Variants in ASPRV1 observed in about 807,000 individuals in gnomAD.
ASPRV1 encodes retroviral-like aspartic protease 1.
A neutral mutation model predicts 11.0 loss-of-function variants in ASPRV1; 7 were observed. That is an observed-to-expected ratio of 0.64 (90% confidence interval 0.36 to 1.20). ASPRV1 has a LOEUF of 1.20. Ranked by LOEUF, ASPRV1 falls within the 50% of genes most tolerant of loss-of-function variation. The pLI is 0.02. For synonymous variants in ASPRV1, 136 were observed against 138.4 expected, an observed-to-expected ratio of 0.98 and a Z score of 0.12; for missense variants, 299 against 320.0, an observed-to-expected ratio of 0.93 and a Z score of 0.50.
the ASPRV1 span, among the ~76,000 whole-genome samples, chr2:70,008,639 T>G: frequency 1.3e-3 from 198 of 148,502 alleles, 2 homozygotes; most frequent in East Asian, 8.9e-3. Flanking sequence ...TTTTGTGTGT[T>G]TTTTTTTTTT....
chr2:69,996,942 A>G, the ASPRV1 span: 1 of 307,964 alleles, frequency 3.2e-6, no homozygotes, highest in Admixed American at 4.6e-5. Context: ...ATGAGGGGAC[A>G]GTTTATTTTC....
chr2:70,004,817 T>G, the ASPRV1 span, among the ~76,000 whole-genome samples: 3 of 152,150 alleles, frequency 2.0e-5, no homozygotes, highest in Non-Finnish European at 4.4e-5. Context: ...TGAACCAGCC[T>G]TGGGCCTCAG....
At chr2:69,956,479 A>AAGAAG (rs1558579534), downstream of ASPRV1, among the ~76,000 whole-genome samples, 20 of 132,018 alleles carry the variant, frequency 1.5e-4, 2 homozygotes, top group East Asian at 8.7e-4. Flanking sequence ...AGAAGAAGAA[A>AAGAAG]AGAGGAAGAA....
the ASPRV1 span, chr2:69,975,307 G>T: frequency 6.6e-6 from 1 of 152,566 alleles, no homozygotes; most frequent in Non-Finnish European, 1.5e-5. Context: ...GGGGGATTCT[G>T]AATGGAGCCC....
the ASPRV1 span, among the ~76,000 whole-genome samples, chr2:70,064,588 C>T: frequency 1.3e-5 from 2 of 152,116 alleles, no homozygotes; most frequent in South Asian, 2.1e-4. Context: ...ATGAAGAGCA[C>T]ACGCAAAGGC....
chr2:69,988,641 C>A, the ASPRV1 span: 1 of 380,478 alleles, frequency 2.6e-6, no homozygotes. Context: ...TACTTAATGT[C>A]ACTGAATTGT....
chr2:70,064,393 G>A, the ASPRV1 span, among the ~76,000 whole-genome samples: 11 of 152,066 alleles, frequency 7.2e-5, no homozygotes, highest in Non-Finnish European at 1.6e-4. Context: ...TAAGCTTACA[G>A]TCTAGTGAAG....
chr2:70,057,922 T>C, the ASPRV1 span, among the ~76,000 whole-genome samples: 1 of 151,956 alleles, frequency 6.6e-6, no homozygotes, highest in Non-Finnish European at 1.5e-5. Context: ...GCCTCCCGAG[T>C]AGCTGGGACT....
the ASPRV1 span, among the ~76,000 whole-genome samples, chr2:70,085,349 G>A: frequency 6.6e-6 from 1 of 152,136 alleles, no homozygotes; most frequent in Non-Finnish European, 1.5e-5. Context: ...GCATAAGACA[G>A]CATTTCAGCC....
chr2:70,026,085 G>A, the ASPRV1 span, among the ~76,000 whole-genome samples: 1 of 152,196 alleles, frequency 6.6e-6, no homozygotes, highest in Non-Finnish European at 1.5e-5. Context: ...CACTTTGGGA[G>A]GCCAAGGTGG....
At chr2:69,966,273 T>C (rs763231082), upstream of ASPRV1, among the ~76,000 whole-genome samples, 1 of 152,248 alleles carries the variant, frequency 6.6e-6, no homozygotes, top group Non-Finnish European at 1.5e-5. Flanking sequence ...TACTAAGATG[T>C]CCTGAAGGCC....
At chr2:69,933,200 CAAAAAA>C in the ASPRV1 span, among the ~76,000 whole-genome samples, 1,168 of 80,184 alleles carry the variant, frequency 0.015, 31 homozygotes, top group African/African-American at 0.04. Context: ...AACTCTGTCT[CAAAAAA>C]AAAAAAAAAA....
chr2:69,963,462 T>G (rs1678206747), upstream of ASPRV1: 1 of 456,528 alleles, frequency 2.2e-6, no homozygotes, highest in Non-Finnish European at 4.4e-6. Flanking sequence ...AGTGGTTTCC[T>G]GATTCCCTGG....
chr2:69,968,345 A>G, the ASPRV1 span: 1 of 152,040 alleles, frequency 6.6e-6, no homozygotes, highest in Non-Finnish European at 1.5e-5. Context: ...CCAACATGAA[A>G]ACACCCTGTC....
the ASPRV1 span, among the ~76,000 whole-genome samples, chr2:70,009,311 C>CTTATTTATTTATTTAT: frequency 0.02 from 2,952 of 147,628 alleles, 39 homozygotes; most frequent in East Asian, 0.032. Context: ...AATTTATTGT[C>CTTATTTATTTATTTAT]TTATTTATTT....
chr2:69,982,889 C>T, the ASPRV1 span, among the ~76,000 whole-genome samples: 1 of 152,190 alleles, frequency 6.6e-6, no homozygotes, highest in African/African-American at 2.4e-5. Flanking sequence ...GGCCCCTCCC[C>T]TCACCCTGTG....
At chr2:70,072,409 C>A in the ASPRV1 span, among the ~76,000 whole-genome samples, 2 of 151,192 alleles carry the variant, frequency 1.3e-5, no homozygotes, top group African/African-American at 4.9e-5. Flanking sequence ...CAAAGCAAGA[C>A]CCTATCTCTT....
At chr2:70,075,694 A>C in the ASPRV1 span, among the ~76,000 whole-genome samples, 1 of 152,030 alleles carries the variant, frequency 6.6e-6, no homozygotes, top group Non-Finnish European at 1.5e-5. Context: ...TAAAAATACA[A>C]AATTAGCCGG....
chr2:69,995,274 A>C, the ASPRV1 span: 1 of 151,350 alleles, frequency 6.6e-6, no homozygotes, highest in African/African-American at 2.4e-5. Context: ...CTGTAGTCCC[A>C]GCTACTCGGG....
Sources: gnomAD v4.1 joint callset for allele counts (sites outside exome capture counted in the v4.1 genomes callset) on GRCh38, gnomAD v4.1.1 for gene constraint, MANE v1.5 for transcripts, NCBI Gene and HGNC (gene_info 2026-07-23, HGNC 2026-07-21) for gene names.